ANO2: variants seen among roughly 807,000 people sequenced by gnomAD.
The protein encoded by ANO2 is anoctamin-2.
ANO2 carries 101 observed loss-of-function variants against 124.2 expected under a neutral mutation model. The observed-to-expected ratio is 0.81, with a 90% CI of 0.69 to 0.96. The LOEUF (loss-of-function observed/expected upper bound fraction) is 0.96. ANO2 is among the 40% of genes least tolerant of loss of function. The pLI is 0.00. For synonymous variants in ANO2, 486 were observed against 482.5 expected, an observed-to-expected ratio of 1.01 and a Z score of -0.09; for missense variants, 1,293 against 1,274.5, an observed-to-expected ratio of 1.01 and a Z score of -0.22.
intron 1 of ANO2, among the ~76,000 whole-genome samples, chr12:5,923,588 C>T (rs1941940708): frequency 6.6e-6 from 1 of 152,200 alleles, no homozygotes; most frequent in Admixed American, 6.5e-5. Context: ...TCCTCACGCA[C>T]CTGCTGCCTC....
At chr12:5,913,851 CAGA>C (rs1221604876) in intron 3 of ANO2, among the ~76,000 whole-genome samples, 1 of 152,196 alleles carries the variant, frequency 6.6e-6, no homozygotes, top group African/African-American at 2.4e-5. Context: ...ACTCTAAAGA[CAGA>C]ATTTCTGAAA....
intron 5 of ANO2, 78 bp from the exon 6 acceptor site, chr12:5,830,567 A>G (rs1280252455): frequency 1.5e-6 from 2 of 1,341,966 alleles, no homozygotes; most frequent in Non-Finnish European, 2.1e-6. Context: ...CAGACCCACA[A>G]CAAATCTTTA....
chr12:5,614,552 A>G (rs560077146), intron 17 of ANO2, among the ~76,000 whole-genome samples: 1 of 152,348 alleles, frequency 6.6e-6, no homozygotes, highest in South Asian at 2.1e-4. Flanking sequence ...TTCATGATTA[A>G]GAACCTCCTA....
chr12:5,676,909 C>T (rs932910767), intron 14 of ANO2, among the ~76,000 whole-genome samples: 1 of 152,062 alleles, frequency 6.6e-6, no homozygotes, highest in African/African-American at 2.4e-5. Context: ...CAAAAATTAA[C>T]CAGGCGTGGT....
At chr12:5,640,523 A>G (rs537743365) in intron 15 of ANO2, among the ~76,000 whole-genome samples, 1 of 152,324 alleles carries the variant, frequency 6.6e-6, no homozygotes, top group East Asian at 1.9e-4. Flanking sequence ...AACTTAAACA[A>G]ATTTACAAGA....
intron 3 of ANO2, among the ~76,000 whole-genome samples, chr12:5,907,276 TAAAATAA>T (rs990390244): frequency 1.3e-5 from 2 of 152,252 alleles, no homozygotes; most frequent in African/African-American, 4.8e-5. Flanking sequence ...TGTTTCCCTT[TAAAATAA>T]ATTTAAGTTT....
intron 19 of ANO2, among the ~76,000 whole-genome samples, chr12:5,602,039 C>A (rs148596473): frequency 6.6e-6 from 1 of 152,142 alleles, no homozygotes. Flanking sequence ...TGGCTCTGTA[C>A]GCATGTTGCC....
Position 5,921,053 on chromosome 12 carries a change from T to G in ANO2, c.521A>C (p.Glu174Ala). The G allele has an allele frequency of 6.2e-7, 1 of 1,607,014 alleles. No homozygotes were observed. The highest frequency in any genetic ancestry group is 8.5e-7 in the Non-Finnish European group (1 of 1,174,136). Residue 174 changes from glutamate (E) to alanine (A), a missense_variant, in exon 3 of 25, where the codon GAG (glutamate) becomes GCG (alanine). Glu to Ala is a moderately radical substitution (Grantham distance 107). Transcript: ENST00000682330. ...HNLMEAGLEL[E>A]KDLENKSQGS... ...CGCCTGACTCACCTCCAAGTCCTTCTCAAGCTCCAGTCCAGCCTCCATCAG... is the reference window on the plus strand; with the variant it reads ...CGCCTGACTCACCTCCAAGTCCTTCGCAAGCTCCAGTCCAGCCTCCATCAG...
intron 19 of ANO2, among the ~76,000 whole-genome samples, chr12:5,601,890 A>T (rs1457395422): frequency 6.6e-6 from 1 of 152,226 alleles, no homozygotes; most frequent in African/African-American, 2.4e-5. Context: ...TCAACTGTTC[A>T]CAGTGGAAGA....
At chr12:5,665,594 C>G (rs1432644367) in intron 14 of ANO2, among the ~76,000 whole-genome samples, 1 of 152,170 alleles carries the variant, frequency 6.6e-6, no homozygotes, top group Non-Finnish European at 1.5e-5. Context: ...CTTCTCCCCA[C>G]CTGGAGCCAG....
At chr12:5,884,210 T>C (rs1003349838) in intron 3 of ANO2, among the ~76,000 whole-genome samples, 3 of 152,172 alleles carry the variant, frequency 2.0e-5, no homozygotes, top group African/African-American at 7.2e-5. Flanking sequence ...TGGGCAGTGA[T>C]TCTAGCTGCC....
At chr12:5,783,375 G>A (rs1952456584) in intron 10 of ANO2, among the ~76,000 whole-genome samples, 2 of 152,132 alleles carry the variant, frequency 1.3e-5, no homozygotes, top group South Asian at 4.2e-4. Context: ...AGGACCCAGA[G>A]CAAGTGACTA....
At chr12:5,883,520 TGTG>T (rs1938660481) in intron 3 of ANO2, among the ~76,000 whole-genome samples, 1 of 151,602 alleles carries the variant, frequency 6.6e-6, no homozygotes, top group Non-Finnish European at 1.5e-5. Context: ...TGTGTGTGTG[TGTG>T]TGTGTGTGTG....
chr12:5,645,446 T>A (rs1946590553), intron 15 of ANO2, among the ~76,000 whole-genome samples: 1 of 151,968 alleles, frequency 6.6e-6, no homozygotes, highest in South Asian at 2.1e-4. Flanking sequence ...TGTGTGTGTG[T>A]ACACATATAT....
chr12:5,585,558 T>G (rs1943068303), intron 20 of ANO2, among the ~76,000 whole-genome samples: 1 of 152,240 alleles, frequency 6.6e-6, no homozygotes. Context: ...CAAGATCTAC[T>G]GATCCACTTC....
chr12:5,857,772 T>TGATAGATA (rs59071869), intron 3 of ANO2, among the ~76,000 whole-genome samples: 7,162 of 148,354 alleles, frequency 0.048, 191 homozygotes, highest in Non-Finnish European at 0.061. Context: ...AAAAGAAATG[T>TGATAGATA]GATAGATAGA....
At chr12:5,640,306 T>C (rs1219943800) in intron 15 of ANO2, among the ~76,000 whole-genome samples, 1 of 152,164 alleles carries the variant, frequency 6.6e-6, no homozygotes, top group Non-Finnish European at 1.5e-5. Context: ...GTAGGTGTCT[T>C]TGGCTTACCC....
chr12:5,809,793 A>G (rs1953328694), intron 7 of ANO2, among the ~76,000 whole-genome samples: 1 of 152,242 alleles, frequency 6.6e-6, no homozygotes, highest in Non-Finnish European at 1.5e-5. Context: ...GACCTGCGTC[A>G]GAGAGCACTC....
At chr12:5,748,161 C>T (rs1412566939) in intron 11 of ANO2, among the ~76,000 whole-genome samples, 1 of 152,224 alleles carries the variant, frequency 6.6e-6, no homozygotes. Context: ...AGACGTCTAT[C>T]GTTGCAGCAT....
Sources: gnomAD v4.1 joint callset for allele counts (sites outside exome capture counted in the v4.1 genomes callset) on GRCh38, gnomAD v4.1.1 for gene constraint, MANE v1.5 for transcripts, NCBI Gene and HGNC (gene_info 2026-07-23, HGNC 2026-07-21) for gene names.